The following POU2AF2 variants were observed in gnomAD, a reference collection of about 807,000 sequenced individuals.
The protein encoded by POU2AF2 is POU domain class 2-associating factor 2.
chr11:111,262,936 C>T, the POU2AF2 span, among the ~76,000 whole-genome samples: 2 of 152,174 alleles, frequency 1.3e-5, no homozygotes, highest in East Asian at 3.9e-4. Flanking sequence ...CAAGTACAGA[C>T]CAAAATTTAA....
At chr11:111,254,245 T>G in the POU2AF2 span, among the ~76,000 whole-genome samples, 1 of 152,264 alleles carries the variant, frequency 6.6e-6, no homozygotes, top group Non-Finnish European at 1.5e-5. Flanking sequence ...AATTTGAGGC[T>G]GATTTCAAAG....
the POU2AF2 span, among the ~76,000 whole-genome samples, chr11:111,269,602 CG>C: frequency 6.6e-6 from 1 of 151,978 alleles, no homozygotes; most frequent in African/African-American, 2.4e-5. Context: ...GTTTTTGCAG[CG>C]GAACAGCCGT....
At chr11:111,258,461 CA>C in the POU2AF2 span, among the ~76,000 whole-genome samples, 3 of 152,074 alleles carry the variant, frequency 2.0e-5, no homozygotes, top group South Asian at 4.1e-4. Context: ...GGCACTATAC[CA>C]GAGTTATAGA....
the POU2AF2 span, among the ~76,000 whole-genome samples, chr11:111,272,524 C>T: frequency 6.6e-6 from 1 of 152,170 alleles, no homozygotes; most frequent in Non-Finnish European, 1.5e-5. Flanking sequence ...TTAGTTGTCA[C>T]TAAAAATGAT....
the POU2AF2 span, chr11:111,285,909 C>T: frequency 3.7e-5 from 59 of 1,613,592 alleles, no homozygotes; most frequent in African/African-American, 4.5e-4. Flanking sequence ...CCTTTCATGA[C>T]GGTGTCAAAT....
the POU2AF2 span, among the ~76,000 whole-genome samples, chr11:111,256,355 G>A: frequency 2.6e-5 from 4 of 152,170 alleles, no homozygotes; most frequent in Non-Finnish European, 2.9e-5. Flanking sequence ...TTTTGAAAGA[G>A]TTTTCATGCC....
the POU2AF2 span, among the ~76,000 whole-genome samples, chr11:111,282,567 A>T: frequency 6.6e-6 from 1 of 152,256 alleles, no homozygotes; most frequent in Non-Finnish European, 1.5e-5. Context: ...AAGAAAATGT[A>T]TAAGGCATGA....
At chr11:111,274,933 T>A in the POU2AF2 span, among the ~76,000 whole-genome samples, 2 of 152,102 alleles carry the variant, frequency 1.3e-5, no homozygotes, top group Admixed American at 6.5e-5. Context: ...ATGCTTAGGT[T>A]CCCTCACTGG....
chr11:111,284,030 G>A, the POU2AF2 span: 14 of 1,580,532 alleles, frequency 8.9e-6, no homozygotes, highest in Admixed American at 1.5e-4. Flanking sequence ...GGCCTTGACC[G>A]CCCTGGGAGG....
chr11:111,246,894 T>C, the POU2AF2 span, among the ~76,000 whole-genome samples: 1 of 152,218 alleles, frequency 6.6e-6, no homozygotes. Context: ...GTCCTTATGT[T>C]GTACATTATA....
chr11:111,260,134 G>C, the POU2AF2 span, among the ~76,000 whole-genome samples: 1 of 152,138 alleles, frequency 6.6e-6, no homozygotes, highest in African/African-American at 2.4e-5. Context: ...GACACTGTGG[G>C]GCTCTGATTT....
At chr11:111,268,605 C>T in the POU2AF2 span, among the ~76,000 whole-genome samples, 1 of 150,772 alleles carries the variant, frequency 6.6e-6, no homozygotes, top group African/African-American at 2.4e-5. Flanking sequence ...ATGATCTCGG[C>T]CCACTGCAAC....
chr11:111,255,554 T>A, the POU2AF2 span, among the ~76,000 whole-genome samples: 1 of 152,188 alleles, frequency 6.6e-6, no homozygotes, highest in African/African-American at 2.4e-5. Flanking sequence ...CTCACTCCCA[T>A]CAGGTATAAT....
the POU2AF2 span, among the ~76,000 whole-genome samples, chr11:111,270,149 A>C: frequency 1.3e-5 from 2 of 152,350 alleles, no homozygotes; most frequent in South Asian, 4.1e-4. Context: ...AGGCCACCCC[A>C]GTGAGTTTCA....
the POU2AF2 span, chr11:111,281,561 TG>T: frequency 9.2e-7 from 1 of 1,084,564 alleles, no homozygotes. Context: ...AAAATAGTTT[TG>T]TCTAAAATAC....
chr11:111,286,057 G>A, the POU2AF2 span: 1 of 1,603,968 alleles, frequency 6.2e-7, no homozygotes, highest in Non-Finnish European at 8.5e-7. Context: ...CTTATTGAGG[G>A]GAGGGCCAAA....
chr11:111,259,436 C>T, the POU2AF2 span, among the ~76,000 whole-genome samples: 1 of 151,938 alleles, frequency 6.6e-6, no homozygotes, highest in African/African-American at 2.4e-5. Flanking sequence ...CTGCCTCGGC[C>T]TCCCGATTAG....
chr11:111,262,917 T>C, the POU2AF2 span, among the ~76,000 whole-genome samples: 28 of 152,256 alleles, frequency 1.8e-4, no homozygotes, highest in Non-Finnish European at 3.8e-4. Flanking sequence ...TTGATTTATA[T>C]ATACTGTACA....
At chr11:111,271,224 A>C in the POU2AF2 span, among the ~76,000 whole-genome samples, 1 of 151,914 alleles carries the variant, frequency 6.6e-6, no homozygotes, top group African/African-American at 2.4e-5. Context: ...TCGGGAGGCT[A>C]AGGCAGGAGA....
Sources: allele counts gnomAD v4.1 joint callset (sites outside exome capture counted in the v4.1 genomes callset), GRCh38; gene constraint gnomAD v4.1.1; transcripts MANE v1.5; gene names NCBI Gene and HGNC (gene_info 2026-07-23, HGNC 2026-07-21).